The following GPR158 variants were observed in gnomAD, a reference collection of about 807,000 sequenced individuals.
GPR158 encodes G protein-coupled receptor 158, also known as metabotropic glycine receptor.
GPR158 carries 30 observed loss-of-function variants against 78.2 expected under a neutral mutation model. The ratio of observed to expected loss-of-function variants is 0.38; its 90% CI spans 0.29 to 0.52. The LOEUF (loss-of-function observed/expected upper bound fraction) is 0.52, where lower values mean the gene tolerates loss of function less well. Among genes scored for constraint, GPR158 ranks in the 20% least tolerant of loss-of-function variants. The probability of loss-of-function intolerance (pLI) is 0.83; values close to 1 mark genes in which losing one functional copy is unlikely to be tolerated. For missense variants in GPR158, 1,463 were observed against 1,523.5 expected (o/e 0.96, Z 0.66); for synonymous variants, 581 against 591.1 (o/e 0.98, Z 0.25).
At chr10:25,205,537 C>T (rs1853013118) in intron 1 of GPR158, among the ~76,000 whole-genome samples, 2 of 151,944 alleles carry the variant, frequency 1.3e-5, no homozygotes, top group South Asian at 4.1e-4. Context: ...TGAGATCCTT[C>T]TTTTTTGGTG....
intron 5 of GPR158, among the ~76,000 whole-genome samples, chr10:25,549,342 T>G (rs932173254): frequency 6.6e-6 from 1 of 152,140 alleles, no homozygotes; most frequent in African/African-American, 2.4e-5. Flanking sequence ...TTTGCAGAAC[T>G]CTTTATTCCT....
At chr10:25,475,194 C>G (rs558041501) in intron 5 of GPR158, among the ~76,000 whole-genome samples, 119 of 152,096 alleles carry the variant, frequency 7.8e-4, no homozygotes, top group African/African-American at 2.7e-3. Flanking sequence ...ATGGTGATAA[C>G]AGATACAGAG....
intron 2 of GPR158, among the ~76,000 whole-genome samples, chr10:25,288,420 T>A (rs111405539): frequency 1.8e-4 from 27 of 152,324 alleles, no homozygotes; most frequent in African/African-American, 6.3e-4. Flanking sequence ...TTGGGGCTGA[T>A]TCCATATAGA....
chr10:25,327,454 G>A (rs16925561), intron 2 of GPR158, among the ~76,000 whole-genome samples: 22,004 of 152,196 alleles, frequency 0.14, 3,099 homozygotes, highest in African/African-American at 0.37. Context: ...AGCAGCAAAC[G>A]AAACACCTCA....
At chr10:25,586,391 ATTTTTTTTTTTTTT>A (rs71399977) in intron 7 of GPR158, among the ~76,000 whole-genome samples, 2 of 70,868 alleles carry the variant, frequency 2.8e-5, no homozygotes, top group Non-Finnish European at 6.0e-5. Flanking sequence ...GTATGTGTGA[ATTTTTTTTTTTTTT>A]TTTTTTTTTT....
chr10:25,322,162 G>A (rs1033528413), intron 2 of GPR158, among the ~76,000 whole-genome samples: 7 of 151,886 alleles, frequency 4.6e-5, no homozygotes, highest in African/African-American at 9.7e-5. Flanking sequence ...CGGGCAGATC[G>A]CAAGGTCAGG....
intron 2 of GPR158, among the ~76,000 whole-genome samples, chr10:25,295,926 A>G (rs775236593): frequency 9.2e-5 from 14 of 152,124 alleles, no homozygotes; most frequent in Non-Finnish European, 1.8e-4. Context: ...ATCCCCCGTT[A>G]AGAAGTAACG....
intron 2 of GPR158, among the ~76,000 whole-genome samples, chr10:25,355,236 C>T (rs527479991): frequency 2.2e-5 from 3 of 137,528 alleles, no homozygotes; most frequent in African/African-American, 6.7e-5. Context: ...CCTTTTTCTC[C>T]TCTTTATTTT....
chr10:25,516,113 A>G (rs1421785101), intron 5 of GPR158, among the ~76,000 whole-genome samples: 1 of 151,914 alleles, frequency 6.6e-6, no homozygotes, highest in Non-Finnish European at 1.5e-5. Context: ...CATTTCTCTG[A>G]TGGCCAGTGA....
At chr10:25,435,192 T>G (rs911636422) in intron 4 of GPR158, among the ~76,000 whole-genome samples, 33 of 152,158 alleles carry the variant, frequency 2.2e-4, no homozygotes, top group Non-Finnish European at 4.4e-5. Context: ...AAAACAGGCA[T>G]CCTCTGTGAT....
chr10:25,275,392 C>T (rs1402933046), intron 2 of GPR158, among the ~76,000 whole-genome samples: 1 of 152,148 alleles, frequency 6.6e-6, no homozygotes, highest in Admixed American at 6.6e-5. Context: ...AATCCTTTTC[C>T]TTTTATAATT....
intron 4 of GPR158, among the ~76,000 whole-genome samples, chr10:25,422,394 C>A (rs1285190320): frequency 6.6e-6 from 1 of 152,028 alleles, no homozygotes; most frequent in Non-Finnish European, 1.5e-5. Context: ...TGCACATGTG[C>A]ACTCCTTATG....
At chr10:25,444,364 G>T (rs79419851) in intron 4 of GPR158, among the ~76,000 whole-genome samples, 3 of 151,498 alleles carry the variant, frequency 2.0e-5, no homozygotes, top group Non-Finnish European at 4.4e-5. Flanking sequence ...GTATGCGTGC[G>T]GTAGTTGTGT....
At chr10:25,554,578 G>A (rs1382847444) in intron 6 of GPR158, among the ~76,000 whole-genome samples, 1 of 152,068 alleles carries the variant, frequency 6.6e-6, no homozygotes, top group Non-Finnish European at 1.5e-5. Context: ...CTATTAGTCT[G>A]GGATGAGAAC....
At chr10:25,564,397 T>A (rs748543414) in intron 6 of GPR158, among the ~76,000 whole-genome samples, 3 of 152,228 alleles carry the variant, frequency 2.0e-5, no homozygotes, top group Non-Finnish European at 2.9e-5. Flanking sequence ...CCATTCTTTC[T>A]TCCCAATCTT....
intron 7 of GPR158, among the ~76,000 whole-genome samples, chr10:25,581,410 T>A (rs1837198112): frequency 1.3e-5 from 2 of 152,174 alleles, no homozygotes; most frequent in South Asian, 4.1e-4. Flanking sequence ...CTGACCACAT[T>A]GTCTTGGCTT....
At chr10:25,424,617 C>G (rs1358815125) in intron 4 of GPR158, among the ~76,000 whole-genome samples, 2 of 151,604 alleles carry the variant, frequency 1.3e-5, no homozygotes, top group African/African-American at 4.8e-5. Context: ...GCCAGTTTTC[C>G]CAGCACCTTT....
At chr10:25,481,005 T>C (rs1394942576) in intron 5 of GPR158, among the ~76,000 whole-genome samples, 2 of 152,090 alleles carry the variant, frequency 1.3e-5, no homozygotes, top group Non-Finnish European at 2.9e-5. Flanking sequence ...GGAGAAAAAT[T>C]GGGCTTATGT....
rs568330927 is a variant in GPR158, at chr10:25,506,271, A to G, written c.1404+39552A>G. Among the ~76,000 whole-genome samples the G allele has an allele frequency of 2.0e-4, 31 of 152,340 alleles. No homozygotes were observed. In the South Asian group the frequency reaches 4.8e-3, roughly 23 times the overall value. On this transcript the variant is annotated intron_variant, in intron 5 of 10. Coordinates refer to ENST00000376351, the MANE Select transcript of GPR158 (RefSeq NM_020752.3). Reference sequence around the variant, plus strand: ...TAAGATAATAAGATATGCTGTCCATACATATTACTCAAAGGATGACATTCT... The same window carrying G: ...TAAGATAATAAGATATGCTGTCCATGCATATTACTCAAAGGATGACATTCT...
Sources: allele counts gnomAD v4.1 joint callset (sites outside exome capture counted in the v4.1 genomes callset), GRCh38; gene constraint gnomAD v4.1.1; transcripts MANE v1.5; gene names NCBI Gene and HGNC (gene_info 2026-07-23, HGNC 2026-07-21).